The following NR3C2 variants were observed in gnomAD, a reference collection of about 807,000 sequenced individuals.
NR3C2 encodes mineralocorticoid receptor.
NR3C2 carries 15 observed loss-of-function variants against 86.4 expected under a neutral mutation model. The observed-to-expected ratio is 0.17, with a 90% confidence interval of 0.12 to 0.27. The LOEUF (loss-of-function observed/expected upper bound fraction) is 0.27, where lower values mean the gene tolerates loss of function less well. Among genes scored for constraint, NR3C2 ranks in the 10% least tolerant of loss-of-function variants. The probability of loss-of-function intolerance (pLI) is 1.00; values close to 1 mark genes in which losing one functional copy is unlikely to be tolerated. For missense variants in NR3C2, 960 were observed against 1,195.6 expected, an observed-to-expected ratio of 0.80 and a Z score of 2.91; for synonymous variants, 458 against 450.5, an observed-to-expected ratio of 1.02 and a Z score of -0.21.
chr4:148,111,538 G>A (rs961032766), intron 8 of NR3C2, among the ~76,000 whole-genome samples: 1 of 152,176 alleles, frequency 6.6e-6, no homozygotes, highest in African/African-American at 2.4e-5. Flanking sequence ...GTTCAGCATG[G>A]CTTTATTTGT....
In NR3C2 at chr4:148,332,989, G is replaced by C. The variant is rs538520768; in HGVS notation, c.1758-72872C>G. On this transcript the variant is annotated intron_variant, in intron 2 of 8. Coordinates refer to ENST00000358102, the MANE Select transcript of NR3C2 (RefSeq NM_000901.5). ...TGGATAAAAAATAACTTTCTGGCTG[G>C]GCACAGTGGTTCAAGCCTGTAATCC... is the stretch of plus-strand genomic sequence containing the variant. 3.9e-5 allele frequency among the ~76,000 whole-genome samples: 6 copies of C among 152,188 alleles called. No individual in the cohort carries two copies. The South Asian group carries it at 1.2e-3, about 32-fold the overall frequency.
At chr4:148,097,878 T>C (rs1402814632) in intron 8 of NR3C2, among the ~76,000 whole-genome samples, 1 of 151,796 alleles carries the variant, frequency 6.6e-6, no homozygotes, top group African/African-American at 2.4e-5. Flanking sequence ...TGGCTTAAGA[T>C]GTTTTTCAGA....
At chr4:148,300,414 A>C (rs1158895041) in intron 2 of NR3C2, among the ~76,000 whole-genome samples, 1 of 152,198 alleles carries the variant, frequency 6.6e-6, no homozygotes, top group Non-Finnish European at 1.5e-5. Flanking sequence ...GTCAGGTAGA[A>C]AGGGATTTAA....
At chr4:148,090,095 G>C (rs1730990155) in intron 8 of NR3C2, among the ~76,000 whole-genome samples, 1 of 152,176 alleles carries the variant, frequency 6.6e-6, no homozygotes, top group Admixed American at 6.5e-5. Context: ...GGGAGGGCCA[G>C]CGTCCTTTAT....
chr4:148,220,893 G>A (rs1309577727), intron 3 of NR3C2, among the ~76,000 whole-genome samples: 3 of 152,214 alleles, frequency 2.0e-5, no homozygotes, highest in Non-Finnish European at 4.4e-5. Context: ...CCAAGGAGAG[G>A]TGCAACACAC....
chr4:148,186,587 T>C (rs544038245), intron 4 of NR3C2, among the ~76,000 whole-genome samples: 28 of 152,262 alleles, frequency 1.8e-4, no homozygotes, highest in African/African-American at 6.5e-4. Context: ...GTCTCTCATA[T>C]AAAATGGCAC....
intron 2 of NR3C2, among the ~76,000 whole-genome samples, chr4:148,423,967 C>T (rs1355463221): frequency 6.6e-6 from 1 of 152,232 alleles, no homozygotes; most frequent in Non-Finnish European, 1.5e-5. Context: ...CCCACCTAGG[C>T]CTCCCAAAGT....
intron 2 of NR3C2, among the ~76,000 whole-genome samples, chr4:148,397,933 T>C (rs1187170972): frequency 6.6e-6 from 1 of 152,200 alleles, no homozygotes; most frequent in East Asian, 1.9e-4. Context: ...CAAAATCCAG[T>C]TGTCTGCAGA....
At chr4:148,124,004 C>T (rs920965349) in intron 6 of NR3C2, among the ~76,000 whole-genome samples, 8 of 152,098 alleles carry the variant, frequency 5.3e-5, no homozygotes, top group Non-Finnish European at 1.0e-4. Context: ...TTTGGGAGAC[C>T]GAGGCAGGCA....
chr4:148,409,185 T>G (rs964801882), intron 2 of NR3C2, among the ~76,000 whole-genome samples: 2 of 152,190 alleles, frequency 1.3e-5, no homozygotes, highest in East Asian at 3.8e-4. Flanking sequence ...AGACTGTCAT[T>G]AGGAGAATAT....
intron 2 of NR3C2, among the ~76,000 whole-genome samples, chr4:148,300,480 G>A (rs1029549894): frequency 6.6e-6 from 1 of 151,822 alleles, no homozygotes; most frequent in Non-Finnish European, 1.5e-5. Context: ...CAAGTTATAG[G>A]TATATTTAAA....
chr4:148,221,065 T>A (rs974958791), intron 3 of NR3C2, among the ~76,000 whole-genome samples: 1 of 152,210 alleles, frequency 6.6e-6, no homozygotes, highest in Admixed American at 6.5e-5. Context: ...GATGAGATTA[T>A]TGTTGAAAAT....
upstream of NR3C2, among the ~76,000 whole-genome samples, chr4:148,443,244 AAAAAAAAAAAG>A (rs1454642125): frequency 6.8e-6 from 1 of 147,742 alleles, no homozygotes; most frequent in African/African-American, 2.5e-5. Flanking sequence ...AAAAAAAAAA[AAAAAAAAAAAG>A]AGAGAGAGAG....
chr4:148,097,535 T>C (rs1405541996), intron 8 of NR3C2, among the ~76,000 whole-genome samples: 4 of 152,146 alleles, frequency 2.6e-5, no homozygotes, highest in Non-Finnish European at 5.9e-5. Context: ...CACTTCCTAC[T>C]TGCTAAAAGT....
intron 8 of NR3C2, among the ~76,000 whole-genome samples, chr4:148,097,269 C>T (rs575304904): frequency 6.6e-6 from 1 of 152,308 alleles, no homozygotes; most frequent in South Asian, 2.1e-4. Context: ...CTTCAGGAGT[C>T]ATTTCCCTTT....
chr4:148,147,423 C>T (rs1733920212), intron 6 of NR3C2, among the ~76,000 whole-genome samples: 1 of 152,108 alleles, frequency 6.6e-6, no homozygotes, highest in Non-Finnish European at 1.5e-5. Flanking sequence ...TTAGGAAGCC[C>T]CTTCACACTG....
intron 2 of NR3C2, among the ~76,000 whole-genome samples, chr4:148,329,210 T>G (rs1217579530): frequency 6.6e-6 from 1 of 152,142 alleles, no homozygotes; most frequent in Non-Finnish European, 1.5e-5. Flanking sequence ...TCTACAGAAT[T>G]TTCCAATGTA....
At chr4:148,223,425 T>A (rs1385740218) in intron 3 of NR3C2, among the ~76,000 whole-genome samples, 1 of 152,208 alleles carries the variant, frequency 6.6e-6, no homozygotes, top group Non-Finnish European at 1.5e-5. Flanking sequence ...GCACACAGAC[T>A]GTGTATTATA....
chr4:148,352,744 A>C (rs1745356191), intron 2 of NR3C2, among the ~76,000 whole-genome samples: 1 of 152,208 alleles, frequency 6.6e-6, no homozygotes, highest in Admixed American at 6.6e-5. Flanking sequence ...ATCATATTTT[A>C]ATAAATGTTT....
Sources: gnomAD v4.1 joint callset for allele counts (sites outside exome capture counted in the v4.1 genomes callset) on GRCh38, gnomAD v4.1.1 for gene constraint, MANE v1.5 for transcripts, NCBI Gene and HGNC (gene_info 2026-07-23, HGNC 2026-07-21) for gene names.